The following RWDD4 variants were observed in gnomAD, a reference collection of about 807,000 sequenced individuals.
The protein encoded by RWDD4 is RWD domain containing 4, also known as RWD domain-containing protein 4.
A neutral mutation model predicts 30.0 loss-of-function variants in RWDD4; 16 were observed. That is an observed-to-expected ratio of 0.53 (90% CI 0.36 to 0.81). The LOEUF (loss-of-function observed/expected upper bound fraction) is 0.81. RWDD4 is among the 30% of genes least tolerant of loss of function. The probability of loss-of-function intolerance (pLI) is 0.00; values close to 1 mark genes in which losing one functional copy is unlikely to be tolerated. For missense variants in RWDD4, 170 were observed against 223.9 expected (o/e 0.76, Z 1.54); for synonymous variants, 45 against 72.1 (o/e 0.62, Z 1.90).
At chr4:183,655,350 C>T (rs964372283) in intron 2 of RWDD4, among the ~76,000 whole-genome samples, 5 of 151,512 alleles carry the variant, frequency 3.3e-5, no homozygotes, top group Admixed American at 6.6e-5. Context: ...GGCTTGATCT[C>T]GGCTCACTGC....
rs1734070789 is a variant in RWDD4, at chr4:183,651,271, T to C, written c.162A>G (p.Thr54=). 6.2e-7 allele frequency: 1 copy of C among 1,612,842 alleles called. No homozygotes were observed. Among genetic ancestry groups the C allele is most frequent in the African/African-American group, 1.3e-5 (1 of 74,900 alleles). Residue 54 remains threonine (T), a synonymous_variant, in exon 3 of 8, where the codon ACA becomes ACG. Coordinates refer to ENST00000326397, the MANE Select transcript of RWDD4 (RefSeq NM_152682.4). The part of the protein sequence containing the change: ...AFLIEISWTE[T]YPQTPPILSM... ...ATAGAATTGGAGGTGTTTGGGGATATGTTTCTGTCCAGGAAATCTCTATTA... is the reference window on the plus strand; with the variant it reads ...ATAGAATTGGAGGTGTTTGGGGATACGTTTCTGTCCAGGAAATCTCTATTA...
intron 7 of RWDD4, among the ~76,000 whole-genome samples, chr4:183,642,893 C>T (rs1240239282): frequency 1.3e-5 from 2 of 150,430 alleles, no homozygotes; most frequent in East Asian, 2.0e-4. Flanking sequence ...CCCGTCTCTA[C>T]TAAAAAATAC....
intron 2 of RWDD4, among the ~76,000 whole-genome samples, chr4:183,652,286 G>A (rs1734092228): frequency 6.6e-6 from 1 of 151,574 alleles, no homozygotes; most frequent in Non-Finnish European, 1.5e-5. Context: ...TCCATTGAGG[G>A]ATCATGGACT....
chr4:183,649,053 G>A (rs1734021809), intron 5 of RWDD4, among the ~76,000 whole-genome samples: 1 of 151,320 alleles, frequency 6.6e-6, no homozygotes. Flanking sequence ...AGAAGAAAGA[G>A]TAAGAATTAA....
At chr4:183,643,449 C>CAAAAAAAAAAAAAAAAA (rs1346905013) in intron 7 of RWDD4, among the ~76,000 whole-genome samples, 4 of 42,462 alleles carry the variant, frequency 9.4e-5, no homozygotes, top group African/African-American at 1.5e-4. Flanking sequence ...AAAAAAAAAG[C>CAAAAAAAAAAAAAAAAA]ATTTAAGGGC....
rs1416786624 is a variant in RWDD4, at chr4:183,649,130, AC to A, written c.481+320del. On this transcript the variant is annotated intron_variant, in intron 5 of 7. Transcript: ENST00000326397. The stretch of plus-strand genomic sequence containing the variant: ...TATCTGGGTTATAAAAGAAAAAAAA[AC>A]GGCTGGGCGTGGTGGCTCACGCCTG... Among the ~76,000 whole-genome samples the A allele has an allele frequency of 7.9e-5, 12 of 152,202 alleles. No individual in the cohort carries two copies. The East Asian group carries it at 2.3e-3, about 29-fold the overall frequency.
At chr4:183,643,826 G>A (rs1055923825) in intron 7 of RWDD4, among the ~76,000 whole-genome samples, 16 of 152,142 alleles carry the variant, frequency 1.1e-4, no homozygotes, top group African/African-American at 3.6e-4. Flanking sequence ...GCTGAGGCAG[G>A]AGAATCACTT....
At chr4:183,650,938 A>G in intron 4 of RWDD4, 46 bp downstream of exon 4, 2 of 1,584,274 alleles carry the variant, frequency 1.3e-6, no homozygotes, top group Non-Finnish European at 1.7e-6. Context: ...TAACAGCAAA[A>G]CCAAAACAAC....
At position 183,651,081 on chromosome 4, in the gene RWDD4, T is replaced by A; in HGVS notation, c.266A>T (p.Glu89Val). Residue 89 changes from glutamate (E) to valine (V), a missense_variant, in exon 4 of 8, where the codon GAA becomes GTA. Coordinates refer to ENST00000326397, the MANE Select transcript of RWDD4 (RefSeq NM_152682.4). The part of the protein sequence containing the change: ...SILAKLQEAV[E>V]ANLGTAMTYT... The stretch of plus-strand genomic sequence containing the variant: ...GGTCATAGCGGTTCCAAGATTAGCT[T>A]CTACTGCTTCCTGTAGCTTGGCTAA... 6.2e-7 allele frequency: 1 copy of A among 1,614,102 alleles called. No individual in the cohort carries two copies. Among genetic ancestry groups the A allele is most frequent in the East Asian group, 2.2e-5 (1 of 44,854 alleles).
chr4:183,649,910 T>G (rs1294078114), intron 4 of RWDD4, among the ~76,000 whole-genome samples: 2 of 152,234 alleles, frequency 1.3e-5, no homozygotes, highest in Non-Finnish European at 2.9e-5. Flanking sequence ...AACCTTTTTT[T>G]TTCTTTACAG....
Position 183,647,265 on chromosome 4 carries a change from T to C in RWDD4, c.482-728A>G, listed in dbSNP as rs187112504. ...ATGTATGCCATGCATGTCTCCACTT[T>C]ATGAAACCTTAAAAATTTAAACTCA... On this transcript the variant is annotated intron_variant, in intron 5 of 7. Transcript: ENST00000326397. Among the ~76,000 whole-genome samples, 21 of 152,344 alleles carry C rather than the reference T, an allele frequency of 1.4e-4. No individual in the cohort carries two copies. The East Asian group carries it at 2.9e-3, about 21-fold the overall frequency.
intron 2 of RWDD4, among the ~76,000 whole-genome samples, chr4:183,654,165 T>C (rs1734137766): frequency 6.6e-6 from 1 of 152,124 alleles, no homozygotes. Context: ...CTAAGGCATG[T>C]GAGTGGAGGG....
intron 7 of RWDD4, among the ~76,000 whole-genome samples, chr4:183,643,333 T>C (rs1416171353): frequency 5.3e-5 from 7 of 132,458 alleles, no homozygotes; most frequent in Admixed American, 5.2e-4. Context: ...GAAGAATCGC[T>C]TGAACCTGGG....
intron 1 of RWDD4, among the ~76,000 whole-genome samples, chr4:183,657,994 T>C (rs1734242640): frequency 6.6e-6 from 1 of 152,236 alleles, no homozygotes; most frequent in African/African-American, 2.4e-5. Context: ...AACATTACAC[T>C]GTATGTTCTT....
chr4:183,656,020 G>C, intron 1 of RWDD4, 59 bp from the exon 2 acceptor site: 1 of 1,167,030 alleles, frequency 8.6e-7, no homozygotes, highest in Middle Eastern at 2.0e-4. Flanking sequence ...GAAATAGAGG[G>C]TCTTTACTTT....
rs756813464 is a variant in RWDD4, at chr4:183,655,980, T to G, written c.25-19A>C. 1.9e-6 allele frequency: 3 copies of G among 1,539,130 alleles called. No homozygotes were observed. Reference sequence around the variant, plus strand: ...GTTCCATCTGAAATAAAGAACTGAATGAGTTTTGTTTAGTGGTATAAATGA... The same window carrying G: ...GTTCCATCTGAAATAAAGAACTGAAGGAGTTTTGTTTAGTGGTATAAATGA... On this transcript the variant is annotated intron_variant, in intron 1 of 7. Transcript: ENST00000326397.
rs141437981 is a variant in RWDD4, at chr4:183,649,918, C to G, written c.364-350G>C. 3.7e-3 allele frequency among the ~76,000 whole-genome samples: 569 copies of G among 151,902 alleles called. 10 individuals are homozygous for G. Among genetic ancestry groups the G allele is most frequent in the Non-Finnish European group, 4.9e-4 (33 of 67,924 alleles). On this transcript the variant is annotated intron_variant, in intron 4 of 7. Transcript: ENST00000326397. ...TAATTAAAACCTTTTTTTTTCTTTACAGAGCTTTTCTCAATGTGAACACTT... is the reference window on the plus strand; with the variant it reads ...TAATTAAAACCTTTTTTTTTCTTTAGAGAGCTTTTCTCAATGTGAACACTT...
intron 5 of RWDD4, among the ~76,000 whole-genome samples, chr4:183,648,551 T>C (rs1221692888): frequency 6.6e-6 from 1 of 152,248 alleles, no homozygotes; most frequent in African/African-American, 2.4e-5. Flanking sequence ...TCTTAAATAT[T>C]ATTGTTGTAT....
At chr4:183,650,936 AAAC>A (rs757837303) in intron 4 of RWDD4, 45 bp downstream of exon 4, 1 of 1,582,112 alleles carries the variant, frequency 6.3e-7, no homozygotes, top group South Asian at 1.2e-5. Flanking sequence ...GCTAACAGCA[AAAC>A]CAAAACAACA....
Sources: allele counts gnomAD v4.1 joint callset (sites outside exome capture counted in the v4.1 genomes callset), GRCh38; gene constraint gnomAD v4.1.1; transcripts MANE v1.5; gene names NCBI Gene and HGNC (gene_info 2026-07-23, HGNC 2026-07-21).